Variants in NCOA2 observed in about 807,000 individuals in gnomAD.
NCOA2 encodes nuclear receptor coactivator 2, also known as class E basic helix-loop-helix protein 75.
Under a neutral mutation model 145.1 loss-of-function variants are expected in NCOA2, and 21 were observed. That is an observed-to-expected ratio of 0.14 (90% CI 0.10 to 0.21). The LOEUF (loss-of-function observed/expected upper bound fraction) is 0.21, where lower values mean the gene tolerates loss of function less well. NCOA2 is among the 10% of genes least tolerant of loss of function. The pLI is 1.00. For synonymous variants in NCOA2, 619 were observed against 637.5 expected, an observed-to-expected ratio of 0.97 and a Z score of 0.44; for missense variants, 1,472 against 1,837.6, an observed-to-expected ratio of 0.80 and a Z score of 3.64.
intron 1 of NCOA2, among the ~76,000 whole-genome samples, chr8:70,396,800 C>T (rs1050236474): frequency 2.6e-5 from 4 of 152,220 alleles, no homozygotes; most frequent in Non-Finnish European, 5.9e-5. Flanking sequence ...ATCCTTCTTA[C>T]GGACTTAACA....
At chr8:70,335,356 T>C (rs1164481927) in intron 1 of NCOA2, among the ~76,000 whole-genome samples, 1 of 151,652 alleles carries the variant, frequency 6.6e-6, no homozygotes, top group Non-Finnish European at 1.5e-5. Flanking sequence ...AGCTGGTTTG[T>C]CTTTTTGTCT....
In NCOA2 at chr8:70,170,238, T is replaced by C; in HGVS notation, c.505A>G (p.Thr169Ala). ...GGCAGCAGGTTTTTGACAAATTCCG[T>C]GTGGTCCCCAACATGCAAGATGCTA... ...VYSILHVGDH[T>A]EFVKNLLPKS... The change falls in exon 6 of 23, where the codon ACG becomes GCG. Residue 169 changes from threonine (T) to alanine (A), a missense_variant. By Grantham distance (58) the Thr-to-Ala change is moderately conservative (BLOSUM62 0). Coordinates refer to ENST00000452400, the MANE Select transcript of NCOA2 (RefSeq NM_006540.4). The C allele has an allele frequency of 1.9e-6, 3 of 1,613,552 alleles. No individual in the cohort carries two copies. The highest frequency in any genetic ancestry group is 2.5e-6 in the Non-Finnish European group (3 of 1,179,748).
chr8:70,300,208 C>T (rs546785366), intron 1 of NCOA2, among the ~76,000 whole-genome samples: 29 of 151,900 alleles, frequency 1.9e-4, no homozygotes, highest in Admixed American at 1.3e-4. Context: ...GAATTGTGTC[C>T]TAAAGAAGAT....
intron 2 of NCOA2, among the ~76,000 whole-genome samples, chr8:70,284,105 A>G (rs965699017): frequency 1.3e-5 from 2 of 152,212 alleles, no homozygotes; most frequent in African/African-American, 4.8e-5. Flanking sequence ...AGCAAGGTGC[A>G]CTAGAAATGG....
chr8:70,234,360 C>G (rs1010599857), intron 2 of NCOA2, among the ~76,000 whole-genome samples: 2 of 152,322 alleles, frequency 1.3e-5, no homozygotes, highest in African/African-American at 4.8e-5. Context: ...GCTTTCCATT[C>G]TCTTGGATAT....
the NCOA2 span, among the ~76,000 whole-genome samples, chr8:70,431,903 G>GT: frequency 1.3e-5 from 2 of 152,240 alleles, no homozygotes; most frequent in East Asian, 3.9e-4. Context: ...AGATACAGAC[G>GT]TATTTTCAAA....
In NCOA2 at chr8:70,235,743, C is replaced by G. The variant is rs150508357; in HGVS notation, c.-19-18979G>C. On this transcript the variant is annotated intron_variant, in intron 2 of 22. Transcript: ENST00000452400. ...CCTGTAGTGTCAGCTACTCGGGAGG[C>G]TGAGGCAGGAGGATTTCTTGAGCCC... Among the ~76,000 whole-genome samples the G allele has an allele frequency of 5.0e-3, 759 of 152,246 alleles. 2 individuals carry two copies. The highest frequency in any genetic ancestry group is 8.8e-3 in the Non-Finnish European group (599 of 68,006).
intron 4 of NCOA2, among the ~76,000 whole-genome samples, chr8:70,201,577 G>A (rs527736655): frequency 1.3e-5 from 2 of 152,278 alleles, no homozygotes; most frequent in African/African-American, 4.8e-5. Context: ...AGGGATAAAT[G>A]ACTCAGTAAT....
At chr8:70,172,167 A>G (rs1446929724) in intron 5 of NCOA2, among the ~76,000 whole-genome samples, 1 of 152,122 alleles carries the variant, frequency 6.6e-6, no homozygotes, top group Non-Finnish European at 1.5e-5. Flanking sequence ...TATGCTGCCC[A>G]GGCTGGTCTC....
Position 70,144,659 on chromosome 8 carries a change from A to G in NCOA2, c.2795T>C (p.Leu932Ser). ...NQGMIGNQGN[L>S]GNSSTGMIGN... ...CCCCTTACCTGTGCTACTGTTCCCTAAATTTCCTTGGTTTCCTATCATCCC... is the reference window on the plus strand; with the variant it reads ...CCCCTTACCTGTGCTACTGTTCCCTGAATTTCCTTGGTTTCCTATCATCCC... The change falls in exon 13 of 23, where the codon TTA becomes TCA. Residue 932 changes from leucine to serine, a missense_variant. Around this residue, in one of 4 missense-constraint regions of NCOA2, gnomAD observed 953 missense variants for 1,062.1 expected, o/e 0.90. Coordinates refer to ENST00000452400, the MANE Select transcript of NCOA2 (RefSeq NM_006540.4). 1 of 1,613,874 alleles carries G rather than the reference A, an allele frequency of 6.2e-7. No individual in the cohort carries two copies. Among genetic ancestry groups the G allele is most frequent in the Non-Finnish European group, 8.5e-7 (1 of 1,179,772 alleles).
At chr8:70,320,157 T>C (rs1003681904) in intron 1 of NCOA2, among the ~76,000 whole-genome samples, 1 of 152,174 alleles carries the variant, frequency 6.6e-6, no homozygotes, top group Non-Finnish European at 1.5e-5. Flanking sequence ...TAAGTTAAAA[T>C]GCTGAAACAT....
At chr8:70,170,974 G>T (rs991832968) in intron 5 of NCOA2, among the ~76,000 whole-genome samples, 1 of 152,194 alleles carries the variant, frequency 6.6e-6, no homozygotes, top group African/African-American at 2.4e-5. Context: ...TCTCGGAAGT[G>T]TCTCTGATGT....
intron 8 of NCOA2, 91 bp from the exon 9 acceptor site, chr8:70,162,945 C>T (rs1216839030): frequency 3.3e-6 from 4 of 1,207,904 alleles, no homozygotes; most frequent in African/African-American, 1.8e-5. Context: ...GACAGAGTCT[C>T]ACTCTATCGT....
In NCOA2 at chr8:70,159,672, C is replaced by CA. The variant is rs1339274588; in HGVS notation, c.977-21dup. On this transcript the variant is annotated intron_variant, in intron 9 of 22. Transcript: ENST00000452400. ...TCAGTACTGCAGGCAAGCAAGGAAA[C>CA]AGAAGGCACGTTTAGAAAAAAAAAT... 1.9e-6 allele frequency: 3 copies of CA among 1,593,976 alleles called. No homozygotes were observed. The African/African-American group carries it at 4.0e-5, about 21-fold the overall frequency.
chr8:70,364,867 A>G (rs1297806663), intron 1 of NCOA2, among the ~76,000 whole-genome samples: 2 of 150,694 alleles, frequency 1.3e-5, no homozygotes, highest in Admixed American at 1.3e-4. Flanking sequence ...GCACATCAGC[A>G]TAGAGATTCT....
chr8:70,111,107 T>C lies in NCOA2; in HGVS notation c.*2525A>G, dbSNP rs549210214. On this transcript the variant is annotated 3_prime_UTR_variant, in exon 23 of 23. Transcript: ENST00000452400. The stretch of plus-strand genomic sequence containing the variant: ...ATGTAAAACAAAATCCATTACCTGA[T>C]TGAAACCGTAAGAGAATTTATCATC... The C allele has an allele frequency of 5.0e-5, 11 of 220,212 alleles. No individual in the cohort carries two copies. The highest frequency in any genetic ancestry group is 8.2e-5 in the Non-Finnish European group (9 of 109,894). The allele number at this position is 220,212 out of a possible 1,614,324, so 13.6% of individuals were successfully genotyped here. A position where few individuals can be genotyped will look rare whatever the true frequency, so the allele number is the denominator to read the frequency against.
intron 1 of NCOA2, among the ~76,000 whole-genome samples, chr8:70,311,689 C>T (rs1354053533): frequency 1.3e-5 from 2 of 152,196 alleles, no homozygotes; most frequent in Admixed American, 6.5e-5. Context: ...TCAGAACATG[C>T]GTCAGAAGAC....
chr8:70,357,721 C>T (rs189941069), intron 1 of NCOA2, among the ~76,000 whole-genome samples: 241 of 149,308 alleles, frequency 1.6e-3, no homozygotes, highest in African/African-American at 5.7e-3. Flanking sequence ...GTAGCCTGGG[C>T]GACAGAGCAA....
intron 2 of NCOA2, among the ~76,000 whole-genome samples, chr8:70,269,485 G>GA (rs939381976): frequency 2.6e-5 from 4 of 151,934 alleles, no homozygotes; most frequent in Non-Finnish European, 4.4e-5. Context: ...ATTAAAAAAA[G>GA]AAAAAAGAAT....
Sources: gnomAD v4.1 joint callset for allele counts (sites outside exome capture counted in the v4.1 genomes callset) on GRCh38, gnomAD v4.1.1 for gene constraint, gnomAD v4.1.1 regional missense constraint, MANE v1.5 for transcripts, NCBI Gene and HGNC (gene_info 2026-07-23, HGNC 2026-07-21) for gene names.